The following NDST2 variants were observed in gnomAD, a reference collection of about 807,000 sequenced individuals.
NDST2 encodes the protein N-deacetylase and N-sulfotransferase 2, also known as bifunctional heparan sulfate N-deacetylase/N-sulfotransferase 2.
NDST2 carries 32 observed loss-of-function variants against 86.9 expected under a neutral mutation model. The ratio of observed to expected loss-of-function variants is 0.37; its 90% CI spans 0.28 to 0.49. The LOEUF (loss-of-function observed/expected upper bound fraction) is 0.49, where lower values mean the gene tolerates loss of function less well. Among genes scored for constraint, NDST2 ranks in the 20% least tolerant of loss-of-function variants. The pLI is 0.97. For synonymous variants in NDST2, 409 were observed against 437.0 expected (o/e 0.94, Z 0.80); for missense variants, 950 against 1,146.9 (o/e 0.83, Z 2.48).
rs886269377 is a variant in NDST2, at chr10:73,811,048, G to A, written c.-446-145C>T. On this transcript the variant is annotated intron_variant, in intron 1 of 14. Coordinates refer to ENST00000309979, the MANE Select transcript of NDST2 (RefSeq NM_003635.4). ...GCGAAGCCAGACGGGGGCCGGGGCC[G>A]GGCCCGGGCTTGGGGAGGCCGGGAC... 193 of 390,042 alleles carry A rather than the reference G, an allele frequency of 4.9e-4. 1 individual carries two copies. The highest frequency in any genetic ancestry group is 6.5e-4 in the Non-Finnish European group (144 of 220,680). The allele number at this position is 390,042 out of a possible 1,614,324, so 24.2% of individuals were successfully genotyped here. A position where few individuals can be genotyped will look rare whatever the true frequency, so the allele number is the denominator to read the frequency against.
At chr10:73,805,005 A>C (rs1267087930) in intron 8 of NDST2, 136 bp from the exon 9 acceptor site, 2 of 516,772 alleles carry the variant, frequency 3.9e-6, no homozygotes, top group Non-Finnish European at 7.0e-6. Flanking sequence ...GGTTCAAGCA[A>C]TTCTCTTGCC....
intron 11 of NDST2, 55 bp downstream of exon 11, chr10:73,803,519 T>TGGGGGCC: frequency 3.5e-6 from 2 of 565,898 alleles, no homozygotes; most frequent in Non-Finnish European, 3.4e-6. Flanking sequence ...GCAGTCACTG[T>TGGGGGCC]CCCCTCCCCC....
chr10:73,810,055 C>T (rs1376274641), intron 2 of NDST2, among the ~76,000 whole-genome samples: 2 of 152,182 alleles, frequency 1.3e-5, no homozygotes, highest in Non-Finnish European at 2.9e-5. Flanking sequence ...ACTATCCCCA[C>T]TCAGCCTCCT....
chr10:73,805,270 T>C lies in NDST2; in HGVS notation c.1746+317A>G, dbSNP rs372137700. ...GCTTACATATGTAATCCCAGCACTT[T>C]GGGAGGCTGAGGCGGGCGGATCACC... is the stretch of plus-strand genomic sequence containing the variant. On this transcript the variant is annotated intron_variant, in intron 8 of 14. Coordinates refer to ENST00000309979, the MANE Select transcript of NDST2 (RefSeq NM_003635.4). Among the ~76,000 whole-genome samples, 46 of 151,440 alleles carry C rather than the reference T, an allele frequency of 3.0e-4. No homozygotes were observed. In the South Asian group the frequency reaches 9.1e-3, roughly 30 times the overall value.
rs758512476 is a variant in NDST2, at chr10:73,805,737, A to G, written c.1596T>C (p.Tyr532=). 5.0e-6 allele frequency: 8 copies of G among 1,614,112 alleles called. No individual in the cohort carries two copies. The highest frequency in any genetic ancestry group is 2.2e-5 in the East Asian group (1 of 44,898). Residue 532 remains tyrosine, a synonymous_variant, in exon 8 of 15, where the codon TAT becomes TAC. Coordinates refer to ENST00000309979, the MANE Select transcript of NDST2 (RefSeq NM_003635.4). ...ISIFMTHLSN[Y]GNDRLGLYTF... ...TGTATAGGCCCAGCCGGTCATTTCC[A>G]TAATTGGACAGATGGGTCATAAAGA...
chr10:73,807,680 A>G lies in NDST2; in HGVS notation c.709T>C (p.Tyr237His). 6.2e-7 allele frequency: 1 copy of G among 1,614,204 alleles called. No homozygotes were observed. Among genetic ancestry groups the G allele is most frequent in the Non-Finnish European group, 8.5e-7 (1 of 1,180,044 alleles). ...WTIFQSNHST[Y>H]EPVLLASLRP... ...AGGCTGGCAAGAAGCACTGGTTCATATGTACTATGATTGGATTGGAAGATG... is the reference window on the plus strand; with the variant it reads ...AGGCTGGCAAGAAGCACTGGTTCATGTGTACTATGATTGGATTGGAAGATG... Residue 237 changes from tyrosine to histidine, a missense_variant, in exon 3 of 15, where the codon TAT becomes CAT. This residue lies in a region of NDST2 where 586 missense variants were observed against 714.0 expected (regional missense o/e 0.82). Coordinates refer to ENST00000309979, the MANE Select transcript of NDST2 (RefSeq NM_003635.4).
Position 73,805,673 on chromosome 10 carries a change from G to A in NDST2, c.1660C>T (p.Arg554Trp), listed in dbSNP as rs762677516. The change falls in exon 8 of 15, where the codon CGG becomes TGG. Residue 554 changes from arginine (R) to tryptophan (W), a missense_variant. Coordinates refer to ENST00000309979, the MANE Select transcript of NDST2 (RefSeq NM_003635.4). ...GGAGGAAGGGTCTGTAGGCGCAGCC[G>A]TGTCCAACACTGGAGGAAGCGCACC... ...SLVRFLQCWTRLRLQTLPPVP... is the reference protein window; with the variant it reads ...SLVRFLQCWTWLRLQTLPPVP... The A allele has an allele frequency of 8.1e-6, 13 of 1,614,070 alleles. No individual in the cohort carries two copies. Among genetic ancestry groups the A allele is most frequent in the African/African-American group, 2.7e-5 (2 of 74,914 alleles).
rs1433041536 is a variant in NDST2 at position 73,802,170 on chromosome 10, A to G, written c.*281T>C. On this transcript the variant is annotated 3_prime_UTR_variant, in exon 15 of 15. Coordinates refer to ENST00000309979, the MANE Select transcript of NDST2 (RefSeq NM_003635.4). ...GAGGGAAATCTCATTGGACTAATAC[A>G]TTCCCCTACACCCTGCCTGGACCCT... 6 of 533,072 alleles carry G rather than the reference A, an allele frequency of 1.1e-5. No individual in the cohort carries two copies. The highest frequency in any genetic ancestry group is 2.0e-5 in the Non-Finnish European group (6 of 298,052). The allele number at this position is 533,072 out of a possible 1,614,324, so 33.0% of individuals were successfully genotyped here. A position where few individuals can be genotyped will look rare whatever the true frequency, so the allele number is the denominator to read the frequency against.
In NDST2 at chr10:73,807,211, G is replaced by A; in HGVS notation, c.1006-16C>T. 5.0e-6 allele frequency: 8 copies of A among 1,608,086 alleles called. No homozygotes were observed. Among genetic ancestry groups the A allele is most frequent in the Non-Finnish European group, 5.1e-6 (6 of 1,174,546 alleles). ...TCAACAGAGCCTGGGAAGAGTAGCA[G>A]GGACAAGAGAAATCAGGAGAGCAGA... On this transcript the variant is annotated splice_polypyrimidine_tract_variant and intron_variant, in intron 3 of 14. Coordinates refer to ENST00000309979, the MANE Select transcript of NDST2 (RefSeq NM_003635.4).
Position 73,811,301 on chromosome 10 carries a change from GGAGGGGAGC to G in NDST2, c.-447+164_-447+172del, listed in dbSNP as rs2084244272. ...GGGAAGAAGGGAGCCCGCCCGGTCC[GGAGGGGAGC>G]GAGGCGGTTCTGAGGGAGGCCGGCG... On this transcript the variant is annotated intron_variant, in intron 1 of 14. Transcript: ENST00000309979. Among the ~76,000 whole-genome samples the G allele has an allele frequency of 2.0e-5, 3 of 152,236 alleles. No homozygotes were observed. The South Asian group carries it at 6.2e-4, about 32-fold the overall frequency.
Position 73,806,431 on chromosome 10 carries a change from T to C in NDST2, c.1292A>G (p.His431Arg). The change falls in exon 6 of 15, where the codon CAC becomes CGC. Residue 431 changes from histidine to arginine, a missense_variant. Around this residue, in one of 5 missense-constraint regions of NDST2, gnomAD observed 586 missense variants for 714.0 expected, o/e 0.82. Transcript: ENST00000309979. The surrounding 1 kb of genome is among the most constrained non-coding windows in gnomAD (Gnocchi z 4.5). ...GTGGATGGGGTACACACCCGAGTGGTGGGGGGCCACAGCATACCCCAGGTC... is the reference window on the plus strand; with the variant it reads ...GTGGATGGGGTACACACCCGAGTGGCGGGGGGCCACAGCATACCCCAGGTC... ...PTDLGYAVAP[H>R]HSGVYPIHTQ... 1 of 1,610,286 alleles carries C rather than the reference T, an allele frequency of 6.2e-7. No individual in the cohort carries two copies. The highest frequency in any genetic ancestry group is 8.5e-7 in the Non-Finnish European group (1 of 1,177,640).
intron 11 of NDST2, 49 bp from the exon 12 acceptor site, chr10:73,803,408 T>G: frequency 1.2e-6 from 2 of 1,607,382 alleles, no homozygotes; most frequent in East Asian, 2.2e-5. Context: ...TTGACAGTAT[T>G]CTGCCCTTAC....
At position 73,802,680 on chromosome 10, in the gene NDST2, G is replaced by A; in HGVS notation, c.2520C>T (p.Asp840=). ...RSKGRRYPDM[D]TESRLFLTDF... Reference sequence around the variant, plus strand: ...TGCCCCTGGCTTTACTTACCTCAGTGTCCATATCTGGATACCTCCGGCCTT... The same window carrying A: ...TGCCCCTGGCTTTACTTACCTCAGTATCCATATCTGGATACCTCCGGCCTT... The change falls in exon 14 of 15, where the codon GAC becomes GAT. Residue 840 remains aspartate (D), a synonymous_variant. Coordinates refer to ENST00000309979, the MANE Select transcript of NDST2 (RefSeq NM_003635.4). 6.2e-7 allele frequency: 1 copy of A among 1,614,162 alleles called. No individual in the cohort carries two copies. The highest frequency in any genetic ancestry group is 1.1e-5 in the South Asian group (1 of 91,086).
chr10:73,803,972 T>C lies in NDST2; in HGVS notation c.1888A>G (p.Thr630Ala). The C allele has an allele frequency of 6.2e-7, 1 of 1,614,108 alleles. No homozygotes were observed. Among genetic ancestry groups the C allele is most frequent in the Non-Finnish European group, 8.5e-7 (1 of 1,180,020 alleles). Residue 630 changes from threonine to alanine, a missense_variant, in exon 10 of 15, where the codon ACT becomes GCT. Thr to Ala is a moderately conservative substitution (Grantham distance 58). Around this residue, in one of 5 missense-constraint regions of NDST2, gnomAD observed 303 missense variants for 323.7 expected, o/e 0.94. Transcript: ENST00000309979. Reference protein sequence around the residue: ...HFFLSLHPAVTSSFPSPSTFE... With the variant: ...HFFLSLHPAVASSFPSPSTFE... Reference sequence around the variant, plus strand: ...GTGCTGGGGCTAGGGAAGCTGCTAGTTACAGCTGGGTGCAGGCTCAGGAAG... The same window carrying C: ...GTGCTGGGGCTAGGGAAGCTGCTAGCTACAGCTGGGTGCAGGCTCAGGAAG...
At position 73,803,922 on chromosome 10, in the gene NDST2, G is replaced by A; in HGVS notation, c.1938C>T (p.Asn646=). 6.2e-7 allele frequency: 1 copy of A among 1,614,224 alleles called. No homozygotes were observed. Among genetic ancestry groups the A allele is most frequent in the Non-Finnish European group, 8.5e-7 (1 of 1,180,042 alleles). ...PSTFEEIQFF[N]SPNYHKGIDW... ...CAATACCCTTGTGGTAATTAGGGCT[G>A]TTGAAGAACTGAATCTCCTCAAATG... is the stretch of plus-strand genomic sequence containing the variant. The change falls in exon 10 of 15, where the codon AAC becomes AAT. Residue 646 remains asparagine (N), a synonymous_variant. Transcript: ENST00000309979.
In NDST2 at chr10:73,802,271, C is replaced by T; in HGVS notation, c.*180G>A. On this transcript the variant is annotated 3_prime_UTR_variant, in exon 15 of 15. Transcript: ENST00000309979. ...TTATGTGGGGTACCAAAGGAAGCCC[C>T]TTTATTTGTCCCAGAACTGTGGGAA... The T allele has an allele frequency of 1.5e-6, 1 of 662,242 alleles. No individual in the cohort carries two copies. The highest frequency in any genetic ancestry group is 2.5e-6 in the Non-Finnish European group (1 of 393,002). The allele number at this position is 662,242 out of a possible 1,614,324, so 41.0% of individuals were successfully genotyped here.
rs1262243020 is a variant in NDST2 at position 73,810,572 on chromosome 10, C to T, written c.-342+227G>A. ...AAATGGTGACGGGAAGGGGTGAATG[C>T]TAAGAATGTGATGCAACTTTAGAGA... On this transcript the variant is annotated intron_variant, in intron 2 of 14. Transcript: ENST00000309979. 4.9e-5 allele frequency: 18 copies of T among 367,472 alleles called. No homozygotes were observed. In the East Asian group the frequency reaches 7.1e-4, roughly 14 times the overall value. The allele number at this position is 367,472 out of a possible 1,614,324, so 22.8% of individuals were successfully genotyped here.
chr10:73,808,277 CATA>C lies in NDST2; in HGVS notation c.109_111del (p.Tyr37del), dbSNP rs780943594. 1.2e-6 allele frequency: 2 copies of C among 1,600,432 alleles called. No individual in the cohort carries two copies. Among genetic ancestry groups the C allele is most frequent in the Non-Finnish European group, 8.5e-7 (1 of 1,173,692 alleles). On this transcript the variant is annotated inframe_deletion, in exon 3 of 15. Transcript: ENST00000309979. The surrounding 1 kb of genome is among the most constrained non-coding windows in gnomAD (Gnocchi z 4.3). ...TCCTTGGCCTTAGGGCTGGTGGACA[CATA>C]ATAAGCCAGGAAGCCCATGGAGCCC...
Position 73,806,170 on chromosome 10 carries a change from ACC to A in NDST2, c.1434+117_1434+118del. On this transcript the variant is annotated intron_variant, in intron 6 of 14. Transcript: ENST00000309979. The surrounding 1 kb of genome is among the most constrained non-coding windows in gnomAD (Gnocchi z 4.5). ...GGTGTTAAAATTTTTTCACCTTTCT[ACC>A]CCCAATTATGTACCCCCATACTTGG... is the stretch of plus-strand genomic sequence containing the variant. The A allele has an allele frequency of 6.5e-7, 1 of 1,531,046 alleles. No homozygotes were observed. The highest frequency in any genetic ancestry group is 1.4e-5 in the African/African-American group (1 of 73,146). 94.8% of individuals were successfully genotyped at this position (1,531,046 alleles called of 1,614,324 possible).
Sources: allele counts gnomAD v4.1 joint callset (sites outside exome capture counted in the v4.1 genomes callset), GRCh38; gene constraint gnomAD v4.1.1; regional missense constraint gnomAD v4.1.1; non-coding constraint Gnocchi (gnomAD v3.1); transcripts MANE v1.5; gene names NCBI Gene and HGNC (gene_info 2026-07-23, HGNC 2026-07-21).